EED: variants seen among roughly 807,000 people sequenced by gnomAD.
EED encodes embryonic ectoderm development, also known as polycomb protein EED.
In EED, 9 loss-of-function variants were observed where a neutral mutation model predicts 61.0. The observed-to-expected ratio is 0.15, with a 90% CI of 0.09 to 0.26. The LOEUF (loss-of-function observed/expected upper bound fraction) is 0.26, where lower values mean the gene tolerates loss of function less well. EED is among the 10% of genes least tolerant of loss of function. The pLI is 1.00. For missense variants in EED, 315 were observed against 542.3 expected (o/e 0.58, Z 4.16); for synonymous variants, 187 against 174.4 (o/e 1.07, Z -0.57).
chr11:86,282,452 A>G (rs1262614951), downstream of EED, among the ~76,000 whole-genome samples: 1 of 152,144 alleles, frequency 6.6e-6, no homozygotes, highest in Non-Finnish European at 1.5e-5. Context: ...ACCATTATCT[A>G]TTTAATGCCT....
the EED span, chr11:86,284,546 G>A: frequency 6.6e-6 from 1 of 152,212 alleles, no homozygotes. Context: ...CACACTCAAT[G>A]TCCATTCAGG....
chr11:86,248,630 G>A (rs771226390), intron 1 of EED, among the ~76,000 whole-genome samples: 4 of 152,190 alleles, frequency 2.6e-5, no homozygotes, highest in Non-Finnish European at 5.9e-5. Context: ...TCCAAATGGA[G>A]ACAGAAACTT....
intron 9 of EED, among the ~76,000 whole-genome samples, chr11:86,271,208 C>T (rs1430034822): frequency 6.6e-6 from 1 of 152,154 alleles, no homozygotes; most frequent in Non-Finnish European, 1.5e-5. Flanking sequence ...TGACTTTTGT[C>T]ATCAGCATTT....
downstream of EED, among the ~76,000 whole-genome samples, chr11:86,279,262 C>A (rs896559935): frequency 6.6e-6 from 1 of 151,150 alleles, no homozygotes; most frequent in Non-Finnish European, 1.5e-5. Flanking sequence ...CCATTGGTAA[C>A]CTTAGAGGAG....
chr11:86,285,637 G>T, the EED span, among the ~76,000 whole-genome samples: 1 of 151,874 alleles, frequency 6.6e-6, no homozygotes, highest in Admixed American at 6.6e-5. Flanking sequence ...CGCTCTTGTT[G>T]CCCGGGCTGG....
chr11:86,263,429 G>T (rs769634632), intron 6 of EED, among the ~76,000 whole-genome samples: 1 of 152,062 alleles, frequency 6.6e-6, no homozygotes, highest in Non-Finnish European at 1.5e-5. Flanking sequence ...CAATAGTCCC[G>T]TTTCTGAGTA....
rs901787496 is a variant in EED at position 86,278,362 on chromosome 11, G to A, written c.1200-37G>A. ...TTAGGGTAGACACTGACAACGTTAT[G>A]TGTGGTCTTTAACCTGTTGTCATGT... On this transcript the variant is annotated intron_variant, in intron 11 of 11. Transcript: ENST00000263360. 6.2e-6 allele frequency: 10 copies of A among 1,601,156 alleles called. No homozygotes were observed. The Middle Eastern group carries it at 5.3e-4, about 85-fold the overall frequency.
intron 6 of EED, 28 bp from the exon 7 acceptor site, chr11:86,264,144 T>C: frequency 6.5e-7 from 1 of 1,549,136 alleles, no homozygotes; most frequent in South Asian, 1.1e-5. Flanking sequence ...TAAAAAACAT[T>C]CGCCTAATTT....
At chr11:86,277,845 C>G (rs1946267641) in intron 10 of EED, 73 bp from the exon 11 acceptor site, 14 of 1,404,648 alleles carry the variant, frequency 1.0e-5, no homozygotes, top group Non-Finnish European at 1.3e-5. Context: ...AGAAAGCTGT[C>G]TGAGGATTCC....
intron 9 of EED, among the ~76,000 whole-genome samples, chr11:86,273,356 T>C (rs1034011226): frequency 7.9e-5 from 12 of 152,242 alleles, no homozygotes; most frequent in African/African-American, 2.9e-4. Context: ...ATCACTTTAT[T>C]CTTCTCCATT....
intron 5 of EED, among the ~76,000 whole-genome samples, chr11:86,257,215 G>A (rs1469088460): frequency 6.7e-6 from 1 of 149,120 alleles, no homozygotes; most frequent in African/African-American, 2.5e-5. Context: ...GTGTGTGTGT[G>A]TGTATGAAGA....
chr11:86,269,900 G>A (rs935154872), intron 9 of EED, among the ~76,000 whole-genome samples: 1 of 152,140 alleles, frequency 6.6e-6, no homozygotes, highest in Non-Finnish European at 1.5e-5. Flanking sequence ...ACTATCTATG[G>A]TAGGAGGTTT....
chr11:86,286,994 AG>A, the EED span, among the ~76,000 whole-genome samples: 66 of 150,148 alleles, frequency 4.4e-4, no homozygotes, highest in Middle Eastern at 3.4e-3. Flanking sequence ...AAAAAAAAAA[AG>A]AAATAGACTA....
chr11:86,284,958 A>G, the EED span, among the ~76,000 whole-genome samples: 1 of 151,676 alleles, frequency 6.6e-6, no homozygotes, highest in African/African-American at 2.4e-5. Flanking sequence ...CAAAAATACA[A>G]AAGTTAGCTA....
intron 9 of EED, chr11:86,276,680 G>A (rs1461066844): frequency 5.0e-6 from 1 of 198,518 alleles, no homozygotes; most frequent in Non-Finnish European, 1.0e-5. Context: ...GTCTCTGGGT[G>A]TCAGAGTATC....
At chr11:86,286,775 A>T in the EED span, among the ~76,000 whole-genome samples, 1 of 152,032 alleles carries the variant, frequency 6.6e-6, no homozygotes, top group South Asian at 2.1e-4. Context: ...GATCGAGACT[A>T]TCCTGGCTAA....
At position 86,245,442 on chromosome 11, in the gene EED, G is replaced by A. The variant is rs541320992; in HGVS notation, c.114+99G>A. 962 of 985,142 alleles carry A rather than the reference G, an allele frequency of 9.8e-4. 12 individuals are homozygous for A. The Middle Eastern group carries it at 0.024, about 25-fold the overall frequency. 61.0% of individuals were successfully genotyped at this position (985,142 alleles called of 1,614,324 possible). On this transcript the variant is annotated intron_variant, in intron 1 of 11. Transcript: ENST00000263360. ...GACGAGCGGGCTGCTGTGGGGGGAG[G>A]GAGAGGTGTCACTCAGGAAAACGCG... is the stretch of plus-strand genomic sequence containing the variant.
chr11:86,283,816 A>G, the EED span: 1 of 151,198 alleles, frequency 6.6e-6, no homozygotes, highest in African/African-American at 2.4e-5. Context: ...AGAGGATAAA[A>G]TGAAAAGATC....
At chr11:86,259,996 A>T (rs1945785970) in intron 6 of EED, among the ~76,000 whole-genome samples, 1 of 152,226 alleles carries the variant, frequency 6.6e-6, no homozygotes, top group African/African-American at 2.4e-5. Context: ...ATGTATGTAT[A>T]TCCTAGGGTT....
Sources: gnomAD v4.1 joint callset for allele counts (sites outside exome capture counted in the v4.1 genomes callset) on GRCh38, gnomAD v4.1.1 for gene constraint, MANE v1.5 for transcripts, NCBI Gene and HGNC (gene_info 2026-07-23, HGNC 2026-07-21) for gene names.